GPR158: variants seen among roughly 807,000 people sequenced by gnomAD.
The protein encoded by GPR158 is G protein-coupled receptor 158.
GPR158 carries 30 observed loss-of-function variants against 78.2 expected under a neutral mutation model. The observed-to-expected ratio is 0.38, with a 90% CI of 0.29 to 0.52. The LOEUF (loss-of-function observed/expected upper bound fraction) is 0.52, where lower values mean the gene tolerates loss of function less well. GPR158 is among the 20% of genes least tolerant of loss of function. GPR158 has a pLI of 0.83. For missense variants in GPR158, 1,463 were observed against 1,523.5 expected, an observed-to-expected ratio of 0.96 and a Z score of 0.66; for synonymous variants, 581 against 591.1, an observed-to-expected ratio of 0.98 and a Z score of 0.25.
intron 4 of GPR158, among the ~76,000 whole-genome samples, chr10:25,451,196 G>A (rs1230436336): frequency 6.6e-6 from 1 of 152,132 alleles, no homozygotes; most frequent in Admixed American, 6.5e-5. Flanking sequence ...TAAATGTGAA[G>A]TTGCTGGTAC....
chr10:25,431,326 T>A (rs1336218434), intron 4 of GPR158, among the ~76,000 whole-genome samples: 53 of 147,990 alleles, frequency 3.6e-4, no homozygotes, highest in Non-Finnish European at 6.3e-4. Context: ...CTCACACCAG[T>A]TAGAATGGCA....
intron 2 of GPR158, among the ~76,000 whole-genome samples, chr10:25,255,713 G>C (rs1371795144): frequency 6.6e-6 from 1 of 152,158 alleles, no homozygotes; most frequent in Non-Finnish European, 1.5e-5. Flanking sequence ...GAACAACCAG[G>C]AGAATTTTTT....
intron 5 of GPR158, among the ~76,000 whole-genome samples, chr10:25,540,035 G>A (rs538331256): frequency 1.1e-4 from 16 of 152,104 alleles, no homozygotes; most frequent in African/African-American, 2.4e-4. Context: ...GAAAATTTTC[G>A]CAACCTACTC....
intron 5 of GPR158, chr10:25,475,628 T>C (rs1835572239): frequency 6.6e-6 from 1 of 152,112 alleles, no homozygotes; most frequent in African/African-American, 2.4e-5. Flanking sequence ...CTGTATTAAG[T>C]GATTAAGGTG....
intron 2 of GPR158, among the ~76,000 whole-genome samples, chr10:25,309,145 T>G (rs1292210698): frequency 6.6e-6 from 1 of 152,150 alleles, no homozygotes; most frequent in Non-Finnish European, 1.5e-5. Flanking sequence ...TTTTCTATAC[T>G]GGCTCTACCA....
intron 2 of GPR158, among the ~76,000 whole-genome samples, chr10:25,383,796 C>T (rs1329264): frequency 0.65 from 98,089 of 152,048 alleles, 32,605 homozygotes; most frequent in Non-Finnish European, 0.73. Flanking sequence ...TCTAAAGTGA[C>T]CATGCACTAG....
chr10:25,483,349 G>A (rs377764845), intron 5 of GPR158, among the ~76,000 whole-genome samples: 2 of 151,782 alleles, frequency 1.3e-5, no homozygotes, highest in South Asian at 2.1e-4. Context: ...ACCTCAAAGC[G>A]CTTGCACTGA....
intron 2 of GPR158, among the ~76,000 whole-genome samples, chr10:25,345,692 C>A (rs565109625): frequency 8.4e-4 from 128 of 151,990 alleles, no homozygotes; most frequent in African/African-American, 2.9e-3. Flanking sequence ...AATCTGCTGG[C>A]TAATATTGAC....
chr10:25,485,292 A>G (rs530120602), intron 5 of GPR158, among the ~76,000 whole-genome samples: 18 of 152,220 alleles, frequency 1.2e-4, no homozygotes, highest in East Asian at 1.9e-4. Context: ...TTTAAGTGTC[A>G]AGGGCTACAT....
intron 1 of GPR158, among the ~76,000 whole-genome samples, chr10:25,202,316 CAT>C (rs34880761): frequency 0.13 from 19,459 of 151,298 alleles, 1,513 homozygotes; most frequent in East Asian, 0.24. Flanking sequence ...GTTTGTTACA[CAT>C]ATATATATAT....
chr10:25,378,446 T>C (rs1363280403), intron 2 of GPR158, among the ~76,000 whole-genome samples: 1 of 151,772 alleles, frequency 6.6e-6, no homozygotes, highest in African/African-American at 2.4e-5. Flanking sequence ...GACAGACTGC[T>C]TGCCTTCCTA....
In GPR158 at chr10:25,412,304, C is replaced by G; in HGVS notation, c.1166C>G (p.Ala389Gly). 6.2e-7 allele frequency: 1 copy of G among 1,614,108 alleles called. No homozygotes were observed. The highest frequency in any genetic ancestry group is 8.5e-7 in the Non-Finnish European group (1 of 1,179,942). ...SGSTKDVSEE[A>G]YVCLPCREGC... The stretch of plus-strand genomic sequence containing the variant: ...AGTACAAAAGATGTGTCAGAAGAAG[C>G]CTATGTCTGCCTACCTTGCAGGGAG... Residue 389 changes from alanine to glycine, a missense_variant, in exon 4 of 11, where the codon GCC (alanine) becomes GGC (glycine). By Grantham distance (60) the Ala-to-Gly change is moderately conservative. Coordinates refer to ENST00000376351, the MANE Select transcript of GPR158 (RefSeq NM_020752.3).
Position 25,395,892 on chromosome 10 carries a change from T to C in GPR158, c.1009-19T>C, listed in dbSNP as rs375234517. ...GATAAGCCATGATCAACTATGTTGC[T>C]GTCTTTTCTTCTTCATAGTGTATGC... On this transcript the variant is annotated intron_variant, in intron 2 of 10. Coordinates refer to ENST00000376351, the MANE Select transcript of GPR158 (RefSeq NM_020752.3). 2.5e-5 allele frequency: 30 copies of C among 1,220,332 alleles called. No individual in the cohort carries two copies. The highest frequency in any genetic ancestry group is 3.6e-5 in the Non-Finnish European group (30 of 823,134). The allele number at this position is 1,220,332 out of a possible 1,614,324, so 75.6% of individuals were successfully genotyped here. A position where few individuals can be genotyped will look rare whatever the true frequency, so the allele number is the denominator to read the frequency against.
At chr10:25,248,461 A>G (rs1588756695) in intron 2 of GPR158, among the ~76,000 whole-genome samples, 1 of 150,896 alleles carries the variant, frequency 6.6e-6, no homozygotes, top group African/African-American at 2.4e-5. Flanking sequence ...TAACATTTAA[A>G]TCTTTAATCC....
intron 2 of GPR158, among the ~76,000 whole-genome samples, chr10:25,344,636 T>G (rs563197073): frequency 6.6e-6 from 1 of 152,136 alleles, no homozygotes; most frequent in South Asian, 2.1e-4. Context: ...TGCACCATGA[T>G]GAAGCCCAGA....
chr10:25,263,764 C>T (rs1854001404), intron 2 of GPR158, among the ~76,000 whole-genome samples: 1 of 152,034 alleles, frequency 6.6e-6, no homozygotes, highest in African/African-American at 2.4e-5. Context: ...TGGTGAAACC[C>T]CGTCTCTACT....
At chr10:25,467,906 C>T (rs1038831707) in intron 5 of GPR158, among the ~76,000 whole-genome samples, 1 of 152,094 alleles carries the variant, frequency 6.6e-6, no homozygotes, top group Non-Finnish European at 1.5e-5. Context: ...CCTCAAGTCC[C>T]CACCCAGTTC....
chr10:25,231,743 G>T (rs1853450459), intron 2 of GPR158, among the ~76,000 whole-genome samples: 1 of 152,122 alleles, frequency 6.6e-6, no homozygotes. Context: ...TGAATATGGA[G>T]GATGGCAGCT....
At chr10:25,536,356 C>T (rs1417485651) in intron 5 of GPR158, among the ~76,000 whole-genome samples, 1 of 152,074 alleles carries the variant, frequency 6.6e-6, no homozygotes, top group Non-Finnish European at 1.5e-5. Context: ...TTAAGTATTT[C>T]CAAGTGTGTG....
Sources: gnomAD v4.1 joint callset for allele counts (sites outside exome capture counted in the v4.1 genomes callset) on GRCh38, gnomAD v4.1.1 for gene constraint, MANE v1.5 for transcripts, NCBI Gene and HGNC (gene_info 2026-07-23, HGNC 2026-07-21) for gene names.